Variants in NRG1 observed in about 807,000 individuals in gnomAD.
The protein encoded by NRG1 is pro-neuregulin-1, membrane-bound isoform.
Under a neutral mutation model 63.8 loss-of-function variants are expected in NRG1, and 18 were observed. The observed-to-expected ratio is 0.28, with a 90% CI of 0.19 to 0.42. The LOEUF (loss-of-function observed/expected upper bound fraction) is 0.42, where lower values mean the gene tolerates loss of function less well. Among genes scored for constraint, NRG1 ranks in the 10% least tolerant of loss-of-function variants. The pLI is 1.00. For missense variants in NRG1, 762 were observed against 814.7 expected (o/e 0.94, Z 0.79); for synonymous variants, 302 against 301.3 (o/e 1.00, Z -0.02).
intron 5 of NRG1, among the ~76,000 whole-genome samples, chr8:32,724,661 T>G (rs1821609860): frequency 6.6e-6 from 1 of 152,158 alleles, no homozygotes; most frequent in Non-Finnish European, 1.5e-5. Context: ...TTACAACTTA[T>G]TCCTGTGCTT....
At chr8:32,730,736 G>C (rs570412661) in intron 6 of NRG1, among the ~76,000 whole-genome samples, 2 of 152,172 alleles carry the variant, frequency 1.3e-5, no homozygotes, top group Non-Finnish European at 2.9e-5. Context: ...AGTTTGTAAG[G>C]TTTTCTCTGA....
intron 1 of NRG1, among the ~76,000 whole-genome samples, chr8:32,533,029 T>C (rs1428656231): frequency 7.7e-6 from 1 of 129,804 alleles, no homozygotes. Context: ...GACTTGCTGA[T>C]GTTTCACCAA....
At chr8:32,670,025 A>G (rs370844375) in intron 5 of NRG1, among the ~76,000 whole-genome samples, 88 of 152,268 alleles carry the variant, frequency 5.8e-4, no homozygotes, top group African/African-American at 2.0e-3. Context: ...ATTTAACATC[A>G]TGTGCATTTT....
intron 1 of NRG1, among the ~76,000 whole-genome samples, chr8:31,852,449 T>C (rs1194796890): frequency 2.0e-5 from 3 of 152,194 alleles, no homozygotes; most frequent in Non-Finnish European, 2.9e-5. Context: ...CACTTCTTGA[T>C]GGGGTTGTTT....
chr8:32,144,401 G>A (rs1836642335), intron 1 of NRG1, among the ~76,000 whole-genome samples: 1 of 152,136 alleles, frequency 6.6e-6, no homozygotes, highest in Non-Finnish European at 1.5e-5. Context: ...GTGTGTGTGT[G>A]TGTATGTGTT....
intron 1 of NRG1, among the ~76,000 whole-genome samples, chr8:32,322,280 G>GAA (rs1018315371): frequency 6.6e-6 from 1 of 151,352 alleles, no homozygotes; most frequent in Non-Finnish European, 1.5e-5. Flanking sequence ...TAAAATAATA[G>GAA]ACTTTACAAA....
At chr8:32,062,042 C>T (rs1586821346) in intron 1 of NRG1, among the ~76,000 whole-genome samples, 1 of 151,978 alleles carries the variant, frequency 6.6e-6, no homozygotes, top group East Asian at 1.9e-4. Context: ...GTGTAGAGCA[C>T]AAAAGTTCTC....
chr8:31,839,866 GT>G (rs1007475976), intron 1 of NRG1, among the ~76,000 whole-genome samples: 2 of 152,134 alleles, frequency 1.3e-5, no homozygotes, highest in African/African-American at 4.8e-5. Flanking sequence ...AGCACTTCCT[GT>G]GAAATCGCAG....
At chr8:31,900,589 A>G (rs546333229) in intron 1 of NRG1, among the ~76,000 whole-genome samples, 31 of 152,206 alleles carry the variant, frequency 2.0e-4, no homozygotes, top group Non-Finnish European at 3.7e-4. Context: ...GATCAAATAA[A>G]TTGGACAGGT....
intron 5 of NRG1, among the ~76,000 whole-genome samples, chr8:32,651,004 G>A (rs2129547484): frequency 6.6e-6 from 1 of 152,158 alleles, no homozygotes. Context: ...CCCAGTAATT[G>A]TGTCTGCAGC....
chr8:32,723,806 C>T (rs1821348784), intron 5 of NRG1, among the ~76,000 whole-genome samples: 1 of 147,396 alleles, frequency 6.8e-6, no homozygotes, highest in Non-Finnish European at 1.5e-5. Flanking sequence ...GAGGGAGGGG[C>T]AGGCTGAAAG....
At chr8:31,944,208 T>A (rs542631724) in intron 1 of NRG1, among the ~76,000 whole-genome samples, 1 of 152,340 alleles carries the variant, frequency 6.6e-6, no homozygotes, top group South Asian at 2.1e-4. Context: ...AAGGTCTAGA[T>A]AGATCTTGTC....
At chr8:31,813,302 T>C (rs1031944019) in intron 1 of NRG1, among the ~76,000 whole-genome samples, 2 of 152,184 alleles carry the variant, frequency 1.3e-5, no homozygotes, top group Non-Finnish European at 2.9e-5. Flanking sequence ...GGTGTATGTA[T>C]GTATGGGGTA....
upstream of NRG1, among the ~76,000 whole-genome samples, chr8:32,544,571 T>G (rs1832886658): frequency 2.6e-5 from 4 of 151,380 alleles, no homozygotes; most frequent in South Asian, 8.3e-4. Context: ...GGCACATTTA[T>G]GGCTTACTGC....
At chr8:31,822,527 G>A (rs1369307862) in intron 1 of NRG1, among the ~76,000 whole-genome samples, 1 of 152,142 alleles carries the variant, frequency 6.6e-6, no homozygotes, top group Non-Finnish European at 1.5e-5. Flanking sequence ...TTTGTGAATA[G>A]TAATAGCACA....
intron 1 of NRG1, among the ~76,000 whole-genome samples, chr8:32,037,440 G>T (rs1819242802): frequency 6.6e-6 from 1 of 152,208 alleles, no homozygotes; most frequent in Non-Finnish European, 1.5e-5. Flanking sequence ...AAACAGCCTG[G>T]CTTCCTCTTG....
Position 32,637,077 on chromosome 8 carries a change from T to A in NRG1, c.502+20192T>A, listed in dbSNP as rs113085036. Among the ~76,000 whole-genome samples the A allele has an allele frequency of 3.9e-3, 596 of 152,116 alleles. 2 individuals are homozygous for A. Among genetic ancestry groups the A allele is most frequent in the African/African-American group, 0.013 (551 of 41,500 alleles). The stretch of plus-strand genomic sequence containing the variant: ...ATGAACCCAGAAACACCATGAAAAA[T>A]TTTTTAAAAAGTTCCAGCATTTTAT... On this transcript the variant is annotated intron_variant, in intron 5 of 11. Transcript: ENST00000356819.
chr8:32,226,924 T>C (rs1020132019), intron 1 of NRG1, among the ~76,000 whole-genome samples: 2 of 152,202 alleles, frequency 1.3e-5, no homozygotes, highest in African/African-American at 2.4e-5. Context: ...CATCACAGTA[T>C]AGAGATAGAA....
chr8:32,770,459 A>T (rs573382962), downstream of NRG1, among the ~76,000 whole-genome samples: 7 of 152,268 alleles, frequency 4.6e-5, no homozygotes, highest in South Asian at 1.4e-3. Flanking sequence ...TCAAGCAGAA[A>T]CAGGTTTTTT....
Sources: gnomAD v4.1 joint callset for allele counts (sites outside exome capture counted in the v4.1 genomes callset) on GRCh38, gnomAD v4.1.1 for gene constraint, MANE v1.5 for transcripts, NCBI Gene and HGNC (gene_info 2026-07-23, HGNC 2026-07-21) for gene names.